The following SEMA7A variants were observed in gnomAD, a reference collection of about 807,000 sequenced individuals.
SEMA7A encodes semaphorin 7A (JohnMiltonHagen blood group), also known as semaphorin-7A.
In SEMA7A, 21 loss-of-function variants were observed where a neutral mutation model predicts 67.5. That is an observed-to-expected ratio of 0.31 (90% CI 0.22 to 0.45). SEMA7A has a LOEUF of 0.45. Among genes scored for constraint, SEMA7A ranks in the 20% least tolerant of loss-of-function variants. The pLI is 1.00. For synonymous variants in SEMA7A, 364 were observed against 368.5 expected (o/e 0.99, Z 0.14); for missense variants, 774 against 908.6 (o/e 0.85, Z 1.90).
chr15:74,418,354 G>A, intron 2 of SEMA7A, 45 bp from the exon 3 acceptor site: 2 of 1,587,524 alleles, frequency 1.3e-6, no homozygotes, highest in East Asian at 2.2e-5. Flanking sequence ...CAGGGGTGAG[G>A]TACCCCTGAA....
At chr15:74,429,816 G>A (rs1366074050) in intron 1 of SEMA7A, among the ~76,000 whole-genome samples, 1 of 152,098 alleles carries the variant, frequency 6.6e-6, no homozygotes, top group African/African-American at 2.4e-5. Flanking sequence ...TCCTCTCTGT[G>A]GTCCTAGCTG....
chr15:74,433,688 C>A, intron 1 of SEMA7A, 53 bp downstream of exon 1: 1 of 1,375,108 alleles, frequency 7.3e-7, no homozygotes, highest in South Asian at 1.7e-5. Context: ...ACTCCGCACC[C>A]GCCCCGCGCA....
intron 1 of SEMA7A, among the ~76,000 whole-genome samples, chr15:74,419,746 G>A (rs945160057): frequency 6.6e-6 from 1 of 152,146 alleles, no homozygotes; most frequent in Admixed American, 6.5e-5. Flanking sequence ...AGCTCTCCGG[G>A]GGGTGAAGAT....
rs1275810079 is a variant in SEMA7A, at chr15:74,428,911, T to C, written c.178+4830A>G. 3.3e-5 allele frequency among the ~76,000 whole-genome samples: 5 copies of C among 152,316 alleles called. No individual in the cohort carries two copies. In the South Asian group the frequency reaches 6.2e-4, roughly 19 times the overall value. ...CTAGGGAAGGGGGAACTCTGTCCTC[T>C]GAGGAGGCAGGGCCCAACAAGGTGC... is the stretch of plus-strand genomic sequence containing the variant. On this transcript the variant is annotated intron_variant, in intron 1 of 13. Coordinates refer to ENST00000261918, the MANE Select transcript of SEMA7A (RefSeq NM_003612.5).
intron 7 of SEMA7A, among the ~76,000 whole-genome samples, chr15:74,416,292 G>A (rs2060947596): frequency 6.6e-6 from 1 of 151,682 alleles, no homozygotes; most frequent in African/African-American, 2.4e-5. Flanking sequence ...ACCCACACAC[G>A]TGGCACAGCA....
At chr15:74,425,529 C>A (rs8042206) in intron 1 of SEMA7A, among the ~76,000 whole-genome samples, 28,534 of 152,102 alleles carry the variant, frequency 0.19, 5,265 homozygotes, top group African/African-American at 0.48. Context: ...CAAAGCCTAC[C>A]GAGGGTGAGG....
chr15:74,410,995 C>T lies in SEMA7A; in HGVS notation c.1640-10G>A, dbSNP rs748335678. 3.7e-6 allele frequency: 6 copies of T among 1,607,494 alleles called. No individual in the cohort carries two copies. The South Asian group carries it at 6.6e-5, about 18-fold the overall frequency. On this transcript the variant is annotated splice_polypyrimidine_tract_variant and intron_variant, in intron 13 of 13. Transcript: ENST00000261918. This position sits in a 1 kb window ranked among gnomAD's most constrained non-coding sequence, Gnocchi z 7.5. ...TGCAGTGGGGCCTTGTCTGGGGAGG[C>T]AGTGGGGAAGCAGCCGTGAGGAGGG...
In SEMA7A at chr15:74,416,706, A is replaced by G; in HGVS notation, c.670T>C (p.Phe224Leu). The G allele has an allele frequency of 6.2e-7, 1 of 1,614,032 alleles. No homozygotes were observed. The highest frequency in any genetic ancestry group is 8.5e-7 in the Non-Finnish European group (1 of 1,179,924). Residue 224 changes from phenylalanine to leucine, a missense_variant, in exon 7 of 14, where the codon TTC (phenylalanine) becomes CTC (leucine). Physicochemically the swap from Phe to Leu is conservative, Grantham distance 22. This residue lies in a region of SEMA7A where 347 missense variants were observed against 353.2 expected (regional missense o/e 0.98). Transcript: ENST00000261918. ...TGGTGCACGATGGTGGCTTTGATGA[A>G]CTGTGGGTCTGCCAGGGACAGAGGC... ...TSDTVMQNPQFIKATIVHQDQ... is the reference protein window; with the variant it reads ...TSDTVMQNPQLIKATIVHQDQ...
chr15:74,429,384 G>A (rs1011264325), intron 1 of SEMA7A, among the ~76,000 whole-genome samples: 5 of 152,242 alleles, frequency 3.3e-5, no homozygotes, highest in African/African-American at 9.6e-5. Context: ...CCCCCAGGGC[G>A]CCACCCTCAG....
intron 1 of SEMA7A, among the ~76,000 whole-genome samples, chr15:74,427,762 T>C (rs2061055104): frequency 6.6e-6 from 1 of 152,166 alleles, no homozygotes; most frequent in Non-Finnish European, 1.5e-5. Context: ...TTTCCTGCTC[T>C]CACCTCCTGT....
chr15:74,433,628 A>C (rs2061113482), intron 1 of SEMA7A, 113 bp downstream of exon 1: 1 of 1,283,256 alleles, frequency 7.8e-7, no homozygotes, highest in African/African-American at 1.6e-5. Flanking sequence ...GCGCGGGGAC[A>C]GCCCGGGACC....
chr15:74,410,996 A>G lies in SEMA7A; in HGVS notation c.1640-11T>C. 6.2e-7 allele frequency: 1 copy of G among 1,607,838 alleles called. No individual in the cohort carries two copies. The highest frequency in any genetic ancestry group is 8.5e-7 in the Non-Finnish European group (1 of 1,176,594). ...GCAGTGGGGCCTTGTCTGGGGAGGC[A>G]GTGGGGAAGCAGCCGTGAGGAGGGA... On this transcript the variant is annotated splice_polypyrimidine_tract_variant and intron_variant, in intron 13 of 13. Transcript: ENST00000261918. This position sits in a 1 kb window ranked among gnomAD's most constrained non-coding sequence, Gnocchi z 7.5.
rs543601640 is a variant in SEMA7A, at chr15:74,433,213, C to CGGGGCGGGGGCG, written c.178+516_178+527dup. On this transcript the variant is annotated intron_variant, in intron 1 of 13. Coordinates refer to ENST00000261918, the MANE Select transcript of SEMA7A (RefSeq NM_003612.5). ...CCCTTGCCTGGCCCGAGCTCCGGGC[C>CGGGGCGGGGGCG]GGGGCGGGGGCGGGGGCAGGCGGCG... Among the ~76,000 whole-genome samples, 17 of 150,794 alleles carry CGGGGCGGGGGCG rather than the reference C, an allele frequency of 1.1e-4. 2 individuals are homozygous for CGGGGCGGGGGCG. Among genetic ancestry groups the CGGGGCGGGGGCG allele is most frequent in the East Asian group, 8.1e-4 (4 of 4,954 alleles).
rs572563614 is a variant in SEMA7A, at chr15:74,414,135, C to G, written c.1294+412G>C. 5.3e-5 allele frequency among the ~76,000 whole-genome samples: 8 copies of G among 152,334 alleles called. No individual in the cohort carries two copies. Reference sequence around the variant, plus strand: ...AAATGTTTCCTCTCACCTGCACAATCCCAAAGACAGGCGCAGGGCCTGACT... The same window carrying G: ...AAATGTTTCCTCTCACCTGCACAATGCCAAAGACAGGCGCAGGGCCTGACT... On this transcript the variant is annotated intron_variant, in intron 10 of 13. Coordinates refer to ENST00000261918, the MANE Select transcript of SEMA7A (RefSeq NM_003612.5). The surrounding 1 kb of genome is among the most constrained non-coding windows in gnomAD (Gnocchi z 4.1).
In SEMA7A at chr15:74,423,778, A is replaced by C. The variant is rs924206806; in HGVS notation, c.179-4826T>G. On this transcript the variant is annotated intron_variant, in intron 1 of 13. Transcript: ENST00000261918. The surrounding 1 kb of genome is among the most constrained non-coding windows in gnomAD (Gnocchi z 4.1). ...GAGTGGTAGAGGAAACCCTTCCACT[A>C]GGGGTGGGAATACAGGAACAAATGT... 6.6e-6 allele frequency among the ~76,000 whole-genome samples: 1 copy of C among 152,164 alleles called. No individual in the cohort carries two copies. Among genetic ancestry groups the C allele is most frequent in the Non-Finnish European group, 1.5e-5 (1 of 68,014 alleles).
Position 74,411,366 on chromosome 15 carries a change from G to C in SEMA7A, c.1578-10C>G, listed in dbSNP as rs202000968. 2.5e-6 allele frequency: 4 copies of C among 1,613,768 alleles called. No individual in the cohort carries two copies. In the East Asian group the frequency reaches 8.9e-5, roughly 36 times the overall value. The stretch of plus-strand genomic sequence containing the variant: ...GGATTGCAGCACTGACCTGGAGTGG[G>C]AAGGACGAAAGAGGATCAGCAGATA... On this transcript the variant is annotated splice_polypyrimidine_tract_variant and intron_variant, in intron 12 of 13. Coordinates refer to ENST00000261918, the MANE Select transcript of SEMA7A (RefSeq NM_003612.5). This position sits in a 1 kb window ranked among gnomAD's most constrained non-coding sequence, Gnocchi z 4.4.
At position 74,411,155 on chromosome 15, in the gene SEMA7A, C is replaced by T. The variant is rs899126926; in HGVS notation, c.1639+140G>A. 8.0e-5 allele frequency: 106 copies of T among 1,322,228 alleles called. No homozygotes were observed. Among genetic ancestry groups the T allele is most frequent in the Non-Finnish European group, 1.0e-4 (102 of 972,020 alleles). The allele number at this position is 1,322,228 out of a possible 1,614,324, so 81.9% of individuals were successfully genotyped here. ...CGTCTCGCTCATCCCACCAAGAGGG[C>T]TCCCTCTGCAGGACTGTATCCTGCC... On this transcript the variant is annotated intron_variant, in intron 13 of 13. Coordinates refer to ENST00000261918, the MANE Select transcript of SEMA7A (RefSeq NM_003612.5). The surrounding 1 kb of genome is among the most constrained non-coding windows in gnomAD (Gnocchi z 4.4).
chr15:74,426,358 A>G (rs11852760), intron 1 of SEMA7A, among the ~76,000 whole-genome samples: 76,739 of 151,980 alleles, frequency 0.5, 20,290 homozygotes, highest in African/African-American at 0.57. Context: ...GCTGGCCCAT[A>G]GATCCCCCCA....
In SEMA7A at chr15:74,410,561, AGT is replaced by A; in HGVS notation, c.*61_*62del. On this transcript the variant is annotated 3_prime_UTR_variant, in exon 14 of 14. Coordinates refer to ENST00000261918, the MANE Select transcript of SEMA7A (RefSeq NM_003612.5). The surrounding 1 kb of genome is among the most constrained non-coding windows in gnomAD (Gnocchi z 7.5). The stretch of plus-strand genomic sequence containing the variant: ...GGAGCTCCCGGGCCAGCCGGCTCTG[AGT>A]GTGAGACGTTCTAGTGCCCTGGGCT... The A allele has an allele frequency of 6.6e-7, 1 of 1,516,190 alleles. No individual in the cohort carries two copies. Among genetic ancestry groups the A allele is most frequent in the Admixed American group, 2.2e-5 (1 of 46,234 alleles). 93.9% of individuals were successfully genotyped at this position (1,516,190 alleles called of 1,614,324 possible).
Sources: allele counts gnomAD v4.1 joint callset (sites outside exome capture counted in the v4.1 genomes callset), GRCh38; gene constraint gnomAD v4.1.1; regional missense constraint gnomAD v4.1.1; non-coding constraint Gnocchi (gnomAD v3.1); transcripts MANE v1.5; gene names NCBI Gene and HGNC (gene_info 2026-07-23, HGNC 2026-07-21).